CALN1: variants seen among roughly 807,000 people sequenced by gnomAD.
CALN1 encodes calneuron 1, also known as calcium-binding protein 8.
Under a neutral mutation model 30.6 loss-of-function variants are expected in CALN1, and 17 were observed. The observed-to-expected ratio is 0.56, with a 90% CI of 0.38 to 0.83. The LOEUF (loss-of-function observed/expected upper bound fraction) is 0.83. CALN1 is among the 40% of genes least tolerant of loss of function. The pLI is 0.00. For synonymous variants in CALN1, 156 were observed against 131.4 expected (o/e 1.19, Z -1.28); for missense variants, 291 against 354.9 (o/e 0.82, Z 1.45).
chr7:72,496,840 C>A, the CALN1 span, among the ~76,000 whole-genome samples: 2 of 152,100 alleles, frequency 1.3e-5, no homozygotes, highest in Non-Finnish European at 2.9e-5. Context: ...GATCGCACCA[C>A]TGTATTTCAG....
chr7:71,999,985 A>G (rs184884316), intron 5 of CALN1, among the ~76,000 whole-genome samples: 1 of 152,176 alleles, frequency 6.6e-6, no homozygotes, highest in African/African-American at 2.4e-5. Flanking sequence ...ACCTCTAAAT[A>G]CCTGGAAAAT....
intron 2 of CALN1, among the ~76,000 whole-genome samples, chr7:72,378,210 G>A (rs566458607): frequency 6.6e-6 from 1 of 152,226 alleles, no homozygotes; most frequent in East Asian, 1.9e-4. Context: ...CATCAGACAA[G>A]CTAAAACAAA....
chr7:72,276,524 C>A (rs1050688438), intron 3 of CALN1, among the ~76,000 whole-genome samples: 1 of 152,104 alleles, frequency 6.6e-6, no homozygotes, highest in Non-Finnish European at 1.5e-5. Context: ...CCAAACCTCA[C>A]ATTGACATTT....
the CALN1 span, among the ~76,000 whole-genome samples, chr7:72,459,314 A>G: frequency 2.0e-5 from 3 of 152,236 alleles, no homozygotes; most frequent in African/African-American, 7.2e-5. Flanking sequence ...ACCTGTAGCC[A>G]CTAATGGCCT....
chr7:71,881,953 G>A (rs1417496187), intron 5 of CALN1, among the ~76,000 whole-genome samples: 1 of 151,842 alleles, frequency 6.6e-6, no homozygotes, highest in Non-Finnish European at 1.5e-5. Context: ...TATGCCTGTA[G>A]TCCCAGCTAC....
chr7:72,091,438 C>G (rs540400737), intron 4 of CALN1, among the ~76,000 whole-genome samples: 2 of 152,144 alleles, frequency 1.3e-5, no homozygotes, highest in Admixed American at 1.3e-4. Context: ...GCACTTTAGG[C>G]GATGGATACC....
At chr7:72,042,502 T>C (rs564986834) in intron 4 of CALN1, among the ~76,000 whole-genome samples, 1 of 152,282 alleles carries the variant, frequency 6.6e-6, no homozygotes, top group African/African-American at 2.4e-5. Flanking sequence ...CATTTGAGAA[T>C]GAATGTCCAA....
chr7:71,965,440 G>A (rs979600946), intron 5 of CALN1, among the ~76,000 whole-genome samples: 1 of 152,142 alleles, frequency 6.6e-6, no homozygotes, highest in Non-Finnish European at 1.5e-5. Flanking sequence ...CTTCTGTAAG[G>A]AAAACTAAAA....
At chr7:71,846,252 C>T (rs1790227809) in intron 5 of CALN1, among the ~76,000 whole-genome samples, 1 of 152,140 alleles carries the variant, frequency 6.6e-6, no homozygotes, top group South Asian at 2.1e-4. Flanking sequence ...TTTGGGAAAG[C>T]TGAAACCCCT....
At chr7:71,984,616 T>C (rs908216814) in intron 5 of CALN1, among the ~76,000 whole-genome samples, 1 of 152,136 alleles carries the variant, frequency 6.6e-6, no homozygotes, top group African/African-American at 2.4e-5. Flanking sequence ...TGCCCCACCA[T>C]GTGAACATCA....
At chr7:71,889,869 G>A (rs1793136081) in intron 5 of CALN1, among the ~76,000 whole-genome samples, 1 of 151,952 alleles carries the variant, frequency 6.6e-6, no homozygotes, top group South Asian at 2.1e-4. Context: ...GGAGGCTGAG[G>A]CAGGAGAATC....
intron 4 of CALN1, among the ~76,000 whole-genome samples, chr7:72,079,252 G>A (rs978474959): frequency 2.0e-5 from 3 of 152,082 alleles, no homozygotes; most frequent in Admixed American, 6.6e-5. Context: ...CTGTGCTTCC[G>A]TGTTCTCATC....
rs368370945 is a variant in CALN1, at chr7:71,784,601, GA to G, written c.*3173del. The stretch of plus-strand genomic sequence containing the variant: ...GGTCCATTTCCCCTTCTCTCCCAAG[GA>G]AAATGCCTTCTTGCTCATCACTTGT... On this transcript the variant is annotated 3_prime_UTR_variant, in exon 7 of 7. Coordinates refer to ENST00000395275, the MANE Select transcript of CALN1 (RefSeq NM_031468.4). 0.012 allele frequency: 4,444 copies of G among 383,086 alleles called. 45 individuals are homozygous for G. The highest frequency in any genetic ancestry group is 0.041 in the Middle Eastern group (61 of 1,504). 23.7% of individuals were successfully genotyped at this position (383,086 alleles called of 1,614,324 possible).
At chr7:72,370,747 C>A (rs527677544) in intron 2 of CALN1, among the ~76,000 whole-genome samples, 33 of 151,028 alleles carry the variant, frequency 2.2e-4, no homozygotes, top group Non-Finnish European at 7.4e-5. Flanking sequence ...TCAACAGTGT[C>A]TTTCAAAGAG....
rs145656703 is a variant in CALN1 at position 72,057,820 on chromosome 7, T to C, written c.389-34051A>G. Among the ~76,000 whole-genome samples the C allele has an allele frequency of 9.1e-4, 139 of 152,310 alleles. 1 individual carries two copies. The highest frequency in any genetic ancestry group is 3.2e-3 in the African/African-American group (131 of 41,558). ...CCTATTTTGGTGTGGTCTTATCGTT[T>C]CTGTATTGGCATGAAATATGTTTGT... is the stretch of plus-strand genomic sequence containing the variant. On this transcript the variant is annotated intron_variant, in intron 4 of 6. Coordinates refer to ENST00000395275, the MANE Select transcript of CALN1 (RefSeq NM_031468.4).
Position 72,013,964 on chromosome 7 carries a change from G to T in CALN1, c.501+9693C>A, listed in dbSNP as rs543013676. Among the ~76,000 whole-genome samples the T allele has an allele frequency of 5.9e-5, 9 of 151,992 alleles. 1 individual carries two copies. The South Asian group carries it at 1.9e-3, about 32-fold the overall frequency. ...AAATTATAGGGCTTTAAAAATTATG[G>T]CCAAGTGTCACCAAATAGTTTTCTG... is the stretch of plus-strand genomic sequence containing the variant. On this transcript the variant is annotated intron_variant, in intron 5 of 6. Transcript: ENST00000395275.
At chr7:71,818,731 C>A (rs201346150) in intron 5 of CALN1, among the ~76,000 whole-genome samples, 2 of 149,566 alleles carry the variant, frequency 1.3e-5, no homozygotes, top group Admixed American at 1.3e-4. Context: ...TTTTTTTGAG[C>A]TGGAGTCTCA....
chr7:72,278,650 G>A, intron 3 of CALN1, 36 bp downstream of exon 3: 1 of 1,591,694 alleles, frequency 6.3e-7, no homozygotes, highest in Non-Finnish European at 8.6e-7. Context: ...CTCCCTGGGA[G>A]GGGGGCCATC....
At chr7:72,189,440 A>G (rs1169862880) in intron 3 of CALN1, among the ~76,000 whole-genome samples, 2 of 152,226 alleles carry the variant, frequency 1.3e-5, no homozygotes, top group African/African-American at 4.8e-5. Flanking sequence ...TTAGTTAGGA[A>G]TAAGTGTTGG....
Sources: gnomAD v4.1 joint callset for allele counts (sites outside exome capture counted in the v4.1 genomes callset) on GRCh38, gnomAD v4.1.1 for gene constraint, MANE v1.5 for transcripts, NCBI Gene and HGNC (gene_info 2026-07-23, HGNC 2026-07-21) for gene names.